The following HNF4A variants were observed in gnomAD, a reference collection of about 807,000 sequenced individuals.
HNF4A encodes hepatocyte nuclear factor 4-alpha.
HNF4A carries 15 observed loss-of-function variants against 52.4 expected under a neutral mutation model. The ratio of observed to expected loss-of-function variants is 0.29; its 90% CI spans 0.19 to 0.44. The LOEUF (loss-of-function observed/expected upper bound fraction) is 0.44, where lower values mean the gene tolerates loss of function less well. Among genes scored for constraint, HNF4A ranks in the 20% least tolerant of loss-of-function variants. The pLI is 1.00. For missense variants in HNF4A, 479 were observed against 647.2 expected (o/e 0.74, Z 2.82); for synonymous variants, 280 against 264.4 (o/e 1.06, Z -0.57).
chr20:44,356,791 A>G (rs2062863683), intron 1 of HNF4A, among the ~76,000 whole-genome samples: 1 of 152,140 alleles, frequency 6.6e-6, no homozygotes, highest in Non-Finnish European at 1.5e-5. Context: ...TTGGGGACAC[A>G]TTTTGGATTT....
At chr20:44,399,184 G>A (rs2063380187), upstream of HNF4A, among the ~76,000 whole-genome samples, 1 of 151,392 alleles carries the variant, frequency 6.6e-6, no homozygotes, top group Non-Finnish European at 1.5e-5. Flanking sequence ...CCGGTATTTG[G>A]TCTCTTTCAG....
At chr20:44,369,764 A>G (rs896239059) in intron 1 of HNF4A, among the ~76,000 whole-genome samples, 1 of 151,340 alleles carries the variant, frequency 6.6e-6, no homozygotes, top group Non-Finnish European at 1.5e-5. Flanking sequence ...CCTCCCAAGA[A>G]GCTGGGATTA....
chr20:44,411,918 G>C (rs144248687), intron 3 of HNF4A, among the ~76,000 whole-genome samples: 1 of 151,682 alleles, frequency 6.6e-6, no homozygotes, highest in African/African-American at 2.4e-5. Context: ...TTAGCCAGGC[G>C]TGGTGGCACA....
At chr20:44,369,666 T>G (rs911387464) in intron 1 of HNF4A, among the ~76,000 whole-genome samples, 15 of 152,094 alleles carry the variant, frequency 9.9e-5, no homozygotes, top group Admixed American at 5.2e-4. Flanking sequence ...TTTTCTTTCT[T>G]TCTTTCTTTT....
chr20:44,367,521 G>T (rs952940430), intron 1 of HNF4A, among the ~76,000 whole-genome samples: 1 of 137,370 alleles, frequency 7.3e-6, no homozygotes, highest in Non-Finnish European at 1.6e-5. Context: ...CATGGCTGTA[G>T]TCCCAGCTAC....
intron 1 of HNF4A, among the ~76,000 whole-genome samples, chr20:44,387,655 CG>C (rs1212441244): frequency 0.2 from 1,704 of 8,574 alleles, 207 homozygotes; most frequent in Admixed American, 0.38. Context: ...TGGAGGCAGG[CG>C]GGGGGGGGGG....
chr20:44,358,054 TGA>T (rs2062876625), intron 1 of HNF4A, among the ~76,000 whole-genome samples: 1 of 149,384 alleles, frequency 6.7e-6, no homozygotes, highest in African/African-American at 2.5e-5. Context: ...TGTATGTGTG[TGA>T]GAGTGGCTGA....
At chr20:44,410,255 C>T (rs1472870256) in intron 3 of HNF4A, among the ~76,000 whole-genome samples, 1 of 152,212 alleles carries the variant, frequency 6.6e-6, no homozygotes, top group Non-Finnish European at 1.5e-5. Flanking sequence ...TGCTTCCTGG[C>T]CCAGGGAAAC....
At chr20:44,424,538 A>C in intron 8 of HNF4A, 1 of 1,065,714 alleles carries the variant, frequency 9.4e-7, no homozygotes, top group Non-Finnish European at 1.4e-6. Flanking sequence ...TGTGTGTGTG[A>C]GTATGTATGG....
chr20:44,423,273 G>A (rs1012620438), intron 7 of HNF4A, among the ~76,000 whole-genome samples: 4 of 152,000 alleles, frequency 2.6e-5, no homozygotes, highest in Admixed American at 1.3e-4. Flanking sequence ...CCGAGATCAC[G>A]CCACTGCACT....
chr20:44,417,332 C>T (rs1345784433), intron 5 of HNF4A, among the ~76,000 whole-genome samples: 4 of 152,172 alleles, frequency 2.6e-5, no homozygotes, highest in Admixed American at 2.6e-4. Context: ...TGGCTATGTC[C>T]TTCTGTGAGC....
At chr20:44,398,594 G>A (rs564960637), upstream of HNF4A, among the ~76,000 whole-genome samples, 6 of 152,332 alleles carry the variant, frequency 3.9e-5, no homozygotes, top group South Asian at 1.0e-3. Flanking sequence ...ACAGTGATGA[G>A]TGGATAGATT....
chr20:44,419,990 G>A, intron 7 of HNF4A, 114 bp downstream of exon 7: 1 of 1,067,334 alleles, frequency 9.4e-7, no homozygotes, highest in Non-Finnish European at 1.5e-6. Context: ...GTTAACGACA[G>A]CCAGGAGAGG....
intron 8 of HNF4A, chr20:44,424,728 C>A: frequency 3.6e-6 from 2 of 550,064 alleles, no homozygotes; most frequent in Non-Finnish European, 5.4e-6. Flanking sequence ...AAGACCCTAA[C>A]GGCTGAAAGG....
rs181422893 is a variant in HNF4A at position 44,427,944 on chromosome 20, G to A, written c.1130-391G>A. On this transcript the variant is annotated intron_variant, in intron 8 of 9. Transcript: ENST00000316099. ...CAGTTGGCTGCAGCAGAGATGTGGG[G>A]GATGAGGCTGAAAGGTGAGGCGGGA... 5.1e-3 allele frequency among the ~76,000 whole-genome samples: 784 copies of A among 152,318 alleles called. 10 individuals carry two copies. Among genetic ancestry groups the A allele is most frequent in the South Asian group, 0.031 (151 of 4,826 alleles).
chr20:44,358,138 A>C (rs1006809142), intron 1 of HNF4A, among the ~76,000 whole-genome samples: 10 of 149,342 alleles, frequency 6.7e-5, no homozygotes, highest in South Asian at 4.3e-4. Context: ...TTTAAAAAAA[A>C]AAAACAAAAC....
At chr20:44,409,140 G>T (rs2063545454) in intron 3 of HNF4A, among the ~76,000 whole-genome samples, 1 of 152,092 alleles carries the variant, frequency 6.6e-6, no homozygotes, top group Non-Finnish European at 1.5e-5. Flanking sequence ...ATGCAGGAGT[G>T]GGTGGTCCCC....
intron 7 of HNF4A, among the ~76,000 whole-genome samples, chr20:44,421,957 A>G (rs986558472): frequency 2.0e-5 from 3 of 150,896 alleles, no homozygotes; most frequent in African/African-American, 7.3e-5. Flanking sequence ...AATGCTCCCT[A>G]AAGAGCTGTT....
At chr20:44,414,073 A>G (rs2146414349) in intron 4 of HNF4A, among the ~76,000 whole-genome samples, 1 of 152,344 alleles carries the variant, frequency 6.6e-6, no homozygotes, top group African/African-American at 2.4e-5. Flanking sequence ...GCCTGCGATC[A>G]GCTCAGCTCC....
Sources: gnomAD v4.1 joint callset for allele counts (sites outside exome capture counted in the v4.1 genomes callset) on GRCh38, gnomAD v4.1.1 for gene constraint, MANE v1.5 for transcripts, NCBI Gene and HGNC (gene_info 2026-07-23, HGNC 2026-07-21) for gene names.